ADCY8: variants seen among roughly 807,000 people sequenced by gnomAD.
The protein encoded by ADCY8 is adenylate cyclase 8.
ADCY8 carries 51 observed loss-of-function variants against 119.7 expected under a neutral mutation model. That is an observed-to-expected ratio of 0.43 (90% CI 0.34 to 0.54). ADCY8 has a LOEUF of 0.54. ADCY8 is among the 20% of genes least tolerant of loss of function. ADCY8 has a pLI of 0.03. For missense variants in ADCY8, 1,383 were observed against 1,598.8 expected (o/e 0.87, Z 2.30); for synonymous variants, 665 against 651.0 (o/e 1.02, Z -0.33).
intron 2 of ADCY8, among the ~76,000 whole-genome samples, chr8:130,978,238 G>A (rs1822132760): frequency 6.6e-6 from 1 of 152,168 alleles, no homozygotes; most frequent in Non-Finnish European, 1.5e-5. Flanking sequence ...GGAATCAGGG[G>A]TTGTAAAGAT....
At chr8:130,836,776 C>G (rs1817002228) in intron 11 of ADCY8, among the ~76,000 whole-genome samples, 1 of 152,144 alleles carries the variant, frequency 6.6e-6, no homozygotes, top group Admixed American at 6.5e-5. Flanking sequence ...TTCTGTCACC[C>G]AGGCTGGAGG....
chr8:130,915,538 T>C (rs916897646), intron 5 of ADCY8, among the ~76,000 whole-genome samples: 1 of 152,136 alleles, frequency 6.6e-6, no homozygotes, highest in Non-Finnish European at 1.5e-5. Context: ...GATGTCAGGC[T>C]AGTTGCTTTA....
At chr8:130,900,680 G>A (rs1447481276) in intron 7 of ADCY8, among the ~76,000 whole-genome samples, 1 of 152,160 alleles carries the variant, frequency 6.6e-6, no homozygotes, top group Admixed American at 6.5e-5. Flanking sequence ...TCTCTGCCAA[G>A]GAATACGAAT....
intron 11 of ADCY8, among the ~76,000 whole-genome samples, chr8:130,842,596 G>C (rs1432295348): frequency 1.3e-5 from 2 of 151,890 alleles, no homozygotes; most frequent in African/African-American, 4.8e-5. Flanking sequence ...TGCCTGGCTG[G>C]GTGCAGTGGC....
chr8:131,040,667 C>G lies in ADCY8; in HGVS notation c.-334G>C, dbSNP rs529081731. The G allele has an allele frequency of 4.2e-4, 94 of 225,682 alleles. No individual in the cohort carries two copies. The highest frequency in any genetic ancestry group is 1.1e-3 in the South Asian group (6 of 5,678). The allele number at this position is 225,682 out of a possible 1,614,324, so 14.0% of individuals were successfully genotyped here. A position where few individuals can be genotyped will look rare whatever the true frequency, so the allele number is the denominator to read the frequency against. ...GCAGCCCCTTCCTGGGCTCAGGCTC[C>G]TTGGTTGATTCTAGGCTCAGCGTTT... is the stretch of plus-strand genomic sequence containing the variant. On this transcript the variant is annotated 5_prime_UTR_variant, in exon 1 of 18. Coordinates refer to ENST00000286355, the MANE Select transcript of ADCY8 (RefSeq NM_001115.3).
intron 2 of ADCY8, among the ~76,000 whole-genome samples, chr8:130,958,277 A>G (rs898414013): frequency 6.6e-6 from 1 of 152,248 alleles, no homozygotes; most frequent in Non-Finnish European, 1.5e-5. Flanking sequence ...CAGACATTAA[A>G]ACAGCCCAGT....
At chr8:130,881,543 C>A (rs1167633087) in intron 8 of ADCY8, among the ~76,000 whole-genome samples, 2 of 151,968 alleles carry the variant, frequency 1.3e-5, no homozygotes, top group African/African-American at 2.4e-5. Context: ...TCCATTTTTC[C>A]TTTCAGAAAA....
intron 8 of ADCY8, among the ~76,000 whole-genome samples, chr8:130,874,680 G>A (rs1818494217): frequency 6.6e-6 from 1 of 152,144 alleles, no homozygotes; most frequent in South Asian, 2.1e-4. Flanking sequence ...GAAGACCCTA[G>A]GTTGGTAATA....
Position 130,951,970 on chromosome 8 carries a change from CG to C in ADCY8, c.1138del (p.Arg380GlyfsTer7). The C allele has an allele frequency of 6.2e-7, 1 of 1,613,508 alleles. No homozygotes were observed. The highest frequency in any genetic ancestry group is 8.5e-7 in the Non-Finnish European group (1 of 1,179,938). Reference protein sequence around the residue: ...QERLVLSVLPRFVVLEMINDM... With the variant: ...QERLVLSVLPXFVVLEMINDM... ...GTTGATCATTTCCAGGACAACAAAC[CG>C]GGGGAGCACAGAAAGCACGAGCCGC... is the stretch of plus-strand genomic sequence containing the variant. On this transcript the variant is annotated frameshift_variant, in exon 3 of 18. Coordinates refer to ENST00000286355, the MANE Select transcript of ADCY8 (RefSeq NM_001115.3). LOFTEE classifies it high-confidence loss of function.
chr8:130,800,477 C>T lies in ADCY8; in HGVS notation c.3009G>A (p.Gln1003=). The change falls in exon 15 of 18, where the codon CAG becomes CAA. Residue 1003 remains glutamine (Q), a synonymous_variant. Transcript: ENST00000286355. ...DFYSQTEMNN[Q]GVECLRLLNE... ...TGAGCAAGCGCAGGCATTCCACTCC[C>T]TGGTTATTCATTTCAGTCTGAGAGT... 6.2e-7 allele frequency: 1 copy of T among 1,614,184 alleles called. No homozygotes were observed. The highest frequency in any genetic ancestry group is 2.2e-5 in the East Asian group (1 of 44,882).
At chr8:130,790,317 T>C (rs763078984) in intron 15 of ADCY8, among the ~76,000 whole-genome samples, 7 of 152,200 alleles carry the variant, frequency 4.6e-5, no homozygotes, top group Non-Finnish European at 7.3e-5. Context: ...ATTCCCCAGT[T>C]TGAAATGATT....
Position 130,849,683 on chromosome 8 carries a change from C to T in ADCY8, c.2331G>A (p.Trp777Ter). 1 of 1,614,032 alleles carries T rather than the reference C, an allele frequency of 6.2e-7. No individual in the cohort carries two copies. The highest frequency in any genetic ancestry group is 8.5e-7 in the Non-Finnish European group (1 of 1,179,926). Reference sequence around the variant, plus strand: ...TCCGGGCCAAATAGGTCTCATTAATCCAACAGCAAGTTTTCCGGAGGATGA... The same window carrying T: ...TCCGGGCCAAATAGGTCTCATTAATTCAACAGCAAGTTTTCCGGAGGATGA... The part of the protein sequence containing the change: ...LPLILRKTCC[W>*]INETYLARNV... The change falls in exon 10 of 18, where the codon TGG becomes TGA. Residue 777 changes from tryptophan (W) to a stop codon, truncating the protein, a stop_gained. Transcript: ENST00000286355. LOFTEE classifies it high-confidence loss of function.
intron 1 of ADCY8, among the ~76,000 whole-genome samples, chr8:131,010,457 T>A (rs1352083538): frequency 6.6e-6 from 1 of 152,190 alleles, no homozygotes; most frequent in Non-Finnish European, 1.5e-5. Context: ...TGCAGTGGAA[T>A]GTTCACATCT....
intron 2 of ADCY8, among the ~76,000 whole-genome samples, chr8:130,981,020 G>A (rs1373340692): frequency 6.6e-6 from 1 of 152,132 alleles, no homozygotes; most frequent in Non-Finnish European, 1.5e-5. Flanking sequence ...TTTACCAAGA[G>A]GCAGTAATGT....
chr8:131,017,849 T>C (rs1378872071), intron 1 of ADCY8, among the ~76,000 whole-genome samples: 1 of 151,994 alleles, frequency 6.6e-6, no homozygotes, highest in Non-Finnish European at 1.5e-5. Context: ...CACTAGGAGA[T>C]GAGCAGACCA....
chr8:131,007,633 C>T (rs1823164920), intron 1 of ADCY8, among the ~76,000 whole-genome samples: 1 of 152,246 alleles, frequency 6.6e-6, no homozygotes, highest in East Asian at 1.9e-4. Flanking sequence ...GAGAGGTGTG[C>T]AGCTTCATTT....
intron 5 of ADCY8, among the ~76,000 whole-genome samples, chr8:130,922,266 T>TG (rs1820334620): frequency 6.6e-6 from 1 of 150,590 alleles, no homozygotes; most frequent in East Asian, 2.0e-4. Flanking sequence ...GAGGGGGATT[T>TG]GGCAGGGTCA....
chr8:130,798,492 G>A (rs1815658158), intron 15 of ADCY8, among the ~76,000 whole-genome samples: 2 of 152,154 alleles, frequency 1.3e-5, no homozygotes, highest in South Asian at 2.1e-4. Context: ...AAGTAGTTAG[G>A]TGGTGCTGGC....
At chr8:130,948,645 T>TA (rs34700138) in intron 3 of ADCY8, among the ~76,000 whole-genome samples, 9,188 of 91,028 alleles carry the variant, frequency 0.1, 477 homozygotes, top group African/African-American at 0.16. Flanking sequence ...TCTTCAAAAT[T>TA]AAAAAAAAAA....
Sources: gnomAD v4.1 joint callset for allele counts (sites outside exome capture counted in the v4.1 genomes callset) on GRCh38, gnomAD v4.1.1 for gene constraint, MANE v1.5 for transcripts, NCBI Gene and HGNC (gene_info 2026-07-23, HGNC 2026-07-21) for gene names.